Variants in CTNND1 observed in about 807,000 individuals in gnomAD.
CTNND1 encodes catenin delta-1.
Under a neutral mutation model 112.1 loss-of-function variants are expected in CTNND1, and 16 were observed. The ratio of observed to expected loss-of-function variants is 0.14; its 90% CI spans 0.10 to 0.22. The LOEUF is 0.22. Among genes scored for constraint, CTNND1 ranks in the 10% least tolerant of loss-of-function variants. The pLI is 1.00. For missense variants in CTNND1, 1,008 were observed against 1,257.0 expected (o/e 0.80, Z 3.00); for synonymous variants, 420 against 446.5 (o/e 0.94, Z 0.75).
rs1474868287 is a variant in CTNND1 at position 57,809,443 on chromosome 11, G to A, written c.2412G>A (p.Lys804=). The change falls in exon 15 of 21, where the codon AAG becomes AAA. Residue 804 remains lysine, a synonymous_variant. Coordinates refer to ENST00000399050, the MANE Select transcript of CTNND1 (RefSeq NM_001085458.2). The part of the protein sequence containing the change: ...KKLRETQGIE[K]LVLINKSGNR... Reference sequence around the variant, plus strand: ...TTCGAGAGACACAGGGTATTGAGAAGCTGGTGTTGATCAACAAATCAGGGT... The same window carrying A: ...TTCGAGAGACACAGGGTATTGAGAAACTGGTGTTGATCAACAAATCAGGGT... 1.7e-5 allele frequency: 28 copies of A among 1,612,670 alleles called. No homozygotes were observed. Among genetic ancestry groups the A allele is most frequent in the Non-Finnish European group, 2.2e-5 (26 of 1,179,312 alleles).
Position 57,816,516 on chromosome 11 carries a change from C to G in CTNND1, c.*208C>G, listed in dbSNP as rs746750419. The G allele has an allele frequency of 2.3e-5, 14 of 597,356 alleles. No homozygotes were observed. The highest frequency in any genetic ancestry group is 3.6e-5 in the Non-Finnish European group (12 of 338,002). 37.0% of individuals were successfully genotyped at this position (597,356 alleles called of 1,614,324 possible). On this transcript the variant is annotated 3_prime_UTR_variant, in exon 21 of 21. Transcript: ENST00000399050. ...ATTGTCTCAACGCCTCCCCCTCCCC[C>G]ATTCCCTCCATTTTTCTCCCAAGAA...
Position 57,815,510 on chromosome 11 carries a change from CTT to C in CTNND1, c.2808+12_2808+13del. The C allele has an allele frequency of 6.4e-7, 1 of 1,569,576 alleles. No homozygotes were observed. Among genetic ancestry groups the C allele is most frequent in the Non-Finnish European group, 8.8e-7 (1 of 1,140,802 alleles). On this transcript the variant is annotated intron_variant, in intron 19 of 20. Transcript: ENST00000399050. The stretch of plus-strand genomic sequence containing the variant: ...AACAACACCCTTGATGGTAAATTCT[CTT>C]TATATACTGCTATCTGTCTAAGGCT...
intron 1 of CTNND1, among the ~76,000 whole-genome samples, chr11:57,777,595 T>A (rs990705989): frequency 1.3e-5 from 2 of 152,222 alleles, no homozygotes; most frequent in African/African-American, 4.8e-5. Context: ...CTAAGTTGTC[T>A]GTTTAGACTT....
intron 1 of CTNND1, among the ~76,000 whole-genome samples, chr11:57,768,714 A>G (rs1194486777): frequency 1.3e-5 from 2 of 151,838 alleles, no homozygotes; most frequent in Non-Finnish European, 2.9e-5. Flanking sequence ...TGTATTTGCA[A>G]CCCTTATTTG....
intron 6 of CTNND1, 58 bp downstream of exon 6, chr11:57,797,050 CT>C: frequency 7.3e-7 from 1 of 1,377,494 alleles, no homozygotes; most frequent in Non-Finnish European, 9.5e-7. Context: ...CAAGGGGTAG[CT>C]TTTCCTTCAA....
At chr11:57,813,318 C>T (rs1482816720) in intron 17 of CTNND1, among the ~76,000 whole-genome samples, 1 of 152,166 alleles carries the variant, frequency 6.6e-6, no homozygotes, top group Non-Finnish European at 1.5e-5. Context: ...GAGCAAGACC[C>T]TGTCTCAAAA....
intron 1 of CTNND1, among the ~76,000 whole-genome samples, chr11:57,775,344 A>C (rs982476912): frequency 1.9e-4 from 26 of 139,372 alleles, no homozygotes; most frequent in South Asian, 6.8e-4. Flanking sequence ...AAAAAAAAAA[A>C]AACAACACAC....
At chr11:57,807,092 C>G in intron 12 of CTNND1, 109 bp downstream of exon 12, 1 of 879,112 alleles carries the variant, frequency 1.1e-6, no homozygotes, top group Non-Finnish European at 1.8e-6. Context: ...CCTCTCTTTT[C>G]CAACTTACAG....
intron 4 of CTNND1, among the ~76,000 whole-genome samples, chr11:57,795,212 T>G (rs1383288136): frequency 6.6e-6 from 1 of 152,176 alleles, no homozygotes; most frequent in Non-Finnish European, 1.5e-5. Context: ...AAATACAAGT[T>G]ATTTATTTAT....
chr11:57,815,021 GC>G (rs1354844074), intron 18 of CTNND1, among the ~76,000 whole-genome samples: 20 of 152,106 alleles, frequency 1.3e-4, no homozygotes, highest in African/African-American at 4.3e-4. Context: ...GGGCTGGAGT[GC>G]AGTGGCGTGA....
intron 6 of CTNND1, among the ~76,000 whole-genome samples, chr11:57,799,315 C>T (rs1334034471): frequency 6.6e-6 from 1 of 152,180 alleles, no homozygotes; most frequent in Non-Finnish European, 1.5e-5. Flanking sequence ...CTGACTTCCT[C>T]ATTAGTAAAG....
chr11:57,782,340 T>A (rs2059666911), intron 1 of CTNND1, among the ~76,000 whole-genome samples: 1 of 152,198 alleles, frequency 6.6e-6, no homozygotes, highest in Non-Finnish European at 1.5e-5. Context: ...AAAATAAGAC[T>A]TCTTTGGTCA....
intron 19 of CTNND1, 105 bp downstream of exon 19, chr11:57,815,605 T>C: frequency 9.8e-7 from 1 of 1,019,560 alleles, no homozygotes; most frequent in Non-Finnish European, 1.6e-6. Flanking sequence ...TCGCATCCTT[T>C]TCTGGTAGGG....
chr11:57,772,920 T>TA (rs1197333056), intron 1 of CTNND1, among the ~76,000 whole-genome samples: 1 of 152,106 alleles, frequency 6.6e-6, no homozygotes, highest in Non-Finnish European at 1.5e-5. Flanking sequence ...TTAACCTGGT[T>TA]ACCCTCTGTT....
chr11:57,800,177 C>A (rs965307155), intron 6 of CTNND1, among the ~76,000 whole-genome samples: 1 of 151,584 alleles, frequency 6.6e-6, no homozygotes, highest in Non-Finnish European at 1.5e-5. Context: ...AAAAGTGATA[C>A]ATAATAGTTT....
At chr11:57,800,671 C>T (rs1441369389) in intron 6 of CTNND1, among the ~76,000 whole-genome samples, 1 of 152,194 alleles carries the variant, frequency 6.6e-6, no homozygotes, top group Non-Finnish European at 1.5e-5. Flanking sequence ...TGAGGCAGGC[C>T]TTCTGCTCAG....
At chr11:57,793,967 G>T in intron 3 of CTNND1, 43 bp from the exon 4 acceptor site, 3 of 1,599,000 alleles carry the variant, frequency 1.9e-6, no homozygotes, top group African/African-American at 1.3e-5. Context: ...TAGAGCAAAA[G>T]AAGGCCACAA....
Position 57,794,059 on chromosome 11 carries a change from A to G in CTNND1, c.245A>G (p.Asp82Gly). 1 of 1,613,978 alleles carries G rather than the reference A, an allele frequency of 6.2e-7. No homozygotes were observed. The highest frequency in any genetic ancestry group is 8.5e-7 in the Non-Finnish European group (1 of 1,179,892). Residue 82 changes from aspartate to glycine, a missense_variant, in exon 4 of 21, where the codon GAT (aspartate) becomes GGT (glycine). Physicochemically the swap from Asp to Gly is moderately conservative, Grantham distance 94 (BLOSUM62 -1). This residue lies in a region of CTNND1 where 404 missense variants were observed against 457.9 expected (regional missense o/e 0.88). Coordinates refer to ENST00000399050, the MANE Select transcript of CTNND1 (RefSeq NM_001085458.2). Reference protein sequence around the residue: ...DADLERQKFSDLKLNGPQDHS... With the variant: ...DADLERQKFSGLKLNGPQDHS... ...GACCTTGAAAGACAGAAATTTTCAG[A>G]TTTGAAACTCAACGGACCCCAGGTA...
chr11:57,762,325 G>A (rs1383044798), intron 1 of CTNND1, among the ~76,000 whole-genome samples: 1 of 152,104 alleles, frequency 6.6e-6, no homozygotes. Context: ...AGGGGTAAGA[G>A]CAGGTTTGAA....
Sources: gnomAD v4.1 joint callset for allele counts (sites outside exome capture counted in the v4.1 genomes callset) on GRCh38, gnomAD v4.1.1 for gene constraint, gnomAD v4.1.1 regional missense constraint, MANE v1.5 for transcripts, NCBI Gene and HGNC (gene_info 2026-07-23, HGNC 2026-07-21) for gene names.